APMAP: variants seen among roughly 807,000 people sequenced by gnomAD.
APMAP encodes the protein adipocyte plasma membrane-associated protein.
Under a neutral mutation model 43.6 loss-of-function variants are expected in APMAP, and 33 were observed. The observed-to-expected ratio is 0.76, with a 90% CI of 0.57 to 1.01. APMAP has a LOEUF of 1.01. APMAP is among the 50% of genes least tolerant of loss of function. APMAP has a pLI of 0.00. For synonymous variants in APMAP, 224 were observed against 216.7 expected, an observed-to-expected ratio of 1.03 and a Z score of -0.30; for missense variants, 498 against 540.7, an observed-to-expected ratio of 0.92 and a Z score of 0.78.
chr20:24,980,957 C>T (rs1276578749), intron 2 of APMAP, among the ~76,000 whole-genome samples: 5 of 152,336 alleles, frequency 3.3e-5, no homozygotes, highest in South Asian at 2.1e-4. Flanking sequence ...AGCTGATGGA[C>T]GGGTGTTTGG....
rs2087974484 is a variant in APMAP at position 24,969,103 on chromosome 20, CAG to C, written c.849-21_849-20del. The C allele has an allele frequency of 6.4e-7, 1 of 1,566,690 alleles. No individual in the cohort carries two copies. The highest frequency in any genetic ancestry group is 8.7e-7 in the Non-Finnish European group (1 of 1,155,908). On this transcript the variant is annotated intron_variant, in intron 7 of 8. Transcript: ENST00000217456. ...GTAGACTCTGAAAAATTCACCCAAG[CAG>C]AGAGTGAACCATAGCCCCTCAATTT...
chr20:24,977,853 C>A (rs1326065145), intron 3 of APMAP, among the ~76,000 whole-genome samples: 2 of 152,192 alleles, frequency 1.3e-5, no homozygotes, highest in African/African-American at 4.8e-5. Context: ...AAAGTTCTAT[C>A]ATGATATTTA....
intron 1 of APMAP, among the ~76,000 whole-genome samples, chr20:24,990,791 T>C (rs190811291): frequency 6.8e-4 from 104 of 152,228 alleles, no homozygotes; most frequent in African/African-American, 2.4e-3. Flanking sequence ...GAAAAACAGC[T>C]ACCATGTTAC....
intron 8 of APMAP, among the ~76,000 whole-genome samples, chr20:24,966,698 A>G (rs2087946709): frequency 6.6e-6 from 1 of 152,258 alleles, no homozygotes; most frequent in South Asian, 2.1e-4. Flanking sequence ...GAAGGAGATT[A>G]AACAGCTGAC....
chr20:24,980,528 A>G (rs1415031215), intron 2 of APMAP, among the ~76,000 whole-genome samples: 1 of 151,410 alleles, frequency 6.6e-6, no homozygotes. Flanking sequence ...GCGCGGGGCC[A>G]CCATGGTCAA....
chr20:24,990,234 T>A (rs1329267129), intron 1 of APMAP, among the ~76,000 whole-genome samples: 4 of 152,252 alleles, frequency 2.6e-5, no homozygotes, highest in Admixed American at 2.6e-4. Context: ...TTCTCCATTA[T>A]ATTTCAAATA....
intron 3 of APMAP, among the ~76,000 whole-genome samples, chr20:24,975,716 T>C (rs2088045076): frequency 6.6e-6 from 1 of 152,168 alleles, no homozygotes; most frequent in Non-Finnish European, 1.5e-5. Context: ...AAATATCCAA[T>C]ACAATATTGA....
chr20:24,990,089 T>C (rs1246107258), intron 1 of APMAP, among the ~76,000 whole-genome samples: 1 of 152,232 alleles, frequency 6.6e-6, no homozygotes, highest in Admixed American at 6.5e-5. Flanking sequence ...AAAGGAATAG[T>C]TCCACAGAGT....
At chr20:24,969,227 GAGA>G in intron 7 of APMAP, 143 bp from the exon 8 acceptor site, 1 of 972,516 alleles carries the variant, frequency 1.0e-6, no homozygotes, top group Non-Finnish European at 1.5e-6. Flanking sequence ...CTCAGCTGCT[GAGA>G]AGAAACCTTT....
rs2088203352 is a variant in APMAP at position 24,992,548 on chromosome 20, C to T, written c.95+46G>A. On this transcript the variant is annotated intron_variant, in intron 1 of 8. Transcript: ENST00000217456. ...CGCTGTCCAAGAGGGTCGCCCTCCA[C>T]TCCTAGCGGCCCGGCTCCAGCGCCC... 5 of 1,434,376 alleles carry T rather than the reference C, an allele frequency of 3.5e-6. No homozygotes were observed. The South Asian group carries it at 6.9e-5, about 20-fold the overall frequency. The allele number at this position is 1,434,376 out of a possible 1,614,324, so 88.9% of individuals were successfully genotyped here.
At chr20:24,987,525 A>G (rs2088158095) in intron 1 of APMAP, among the ~76,000 whole-genome samples, 1 of 152,208 alleles carries the variant, frequency 6.6e-6, no homozygotes, top group Admixed American at 6.5e-5. Context: ...GTGATGAAAC[A>G]GTTTTGAAAG....
intron 3 of APMAP, among the ~76,000 whole-genome samples, chr20:24,977,269 G>C (rs2088057946): frequency 6.6e-6 from 1 of 152,230 alleles, no homozygotes; most frequent in African/African-American, 2.4e-5. Context: ...GCTGTGCATG[G>C]CATGTGTGCA....
intron 2 of APMAP, among the ~76,000 whole-genome samples, chr20:24,982,874 A>AGG (rs2088117684): frequency 6.8e-6 from 1 of 146,640 alleles, no homozygotes; most frequent in Admixed American, 6.8e-5. Context: ...CTTTGGAGAC[A>AGG]GGATGTCCTC....
At position 24,988,764 on chromosome 20, in the gene APMAP, C is replaced by A. The variant is rs538911417; in HGVS notation, c.95+3830G>T. Among the ~76,000 whole-genome samples the A allele has an allele frequency of 8.5e-5, 13 of 152,346 alleles. No homozygotes were observed. The East Asian group carries it at 2.5e-3, about 29-fold the overall frequency. ...CTTCACCAACACCTCCTCAACCTCA[C>A]CTGATCAGCATCCAGCCTCCACTGG... is the stretch of plus-strand genomic sequence containing the variant. On this transcript the variant is annotated intron_variant, in intron 1 of 8. Transcript: ENST00000217456.
At chr20:24,986,463 G>A (rs2088147992) in intron 1 of APMAP, among the ~76,000 whole-genome samples, 1 of 152,190 alleles carries the variant, frequency 6.6e-6, no homozygotes, top group Non-Finnish European at 1.5e-5. Context: ...TCCCAGTCCT[G>A]TCTCCAAACC....
chr20:24,992,133 G>A (rs1231615579), intron 1 of APMAP, among the ~76,000 whole-genome samples: 6 of 152,226 alleles, frequency 3.9e-5, no homozygotes, highest in African/African-American at 9.6e-5. Flanking sequence ...AGCATCTCGT[G>A]GGACCTCCTC....
intron 2 of APMAP, among the ~76,000 whole-genome samples, chr20:24,983,401 C>A (rs1436642481): frequency 6.6e-6 from 1 of 152,182 alleles, no homozygotes; most frequent in Non-Finnish European, 1.5e-5. Context: ...CTCTATCCCA[C>A]TATAATTATA....
At chr20:24,966,089 TCTC>T (rs1483356708) in intron 8 of APMAP, among the ~76,000 whole-genome samples, 2 of 152,084 alleles carry the variant, frequency 1.3e-5, no homozygotes, top group Non-Finnish European at 1.5e-5. Flanking sequence ...AGCACCCAGA[TCTC>T]CTCCACAAGG....
At chr20:24,980,134 T>G (rs2088089369) in intron 2 of APMAP, among the ~76,000 whole-genome samples, 1 of 152,190 alleles carries the variant, frequency 6.6e-6, no homozygotes, top group Non-Finnish European at 1.5e-5. Flanking sequence ...TGTGTTTTTC[T>G]CTACTGTATT....
Sources: gnomAD v4.1 joint callset for allele counts (sites outside exome capture counted in the v4.1 genomes callset) on GRCh38, gnomAD v4.1.1 for gene constraint, MANE v1.5 for transcripts, NCBI Gene and HGNC (gene_info 2026-07-23, HGNC 2026-07-21) for gene names.